The following ZDHHC5 variants were observed in gnomAD, a reference collection of about 807,000 sequenced individuals.
ZDHHC5 encodes palmitoyltransferase ZDHHC5.
ZDHHC5 carries 22 observed loss-of-function variants against 70.0 expected under a neutral mutation model. The ratio of observed to expected loss-of-function variants is 0.31; its 90% confidence interval spans 0.22 to 0.45. ZDHHC5 has a LOEUF of 0.45. ZDHHC5 is among the 20% of genes least tolerant of loss of function. The pLI is 1.00. For synonymous variants in ZDHHC5, 313 were observed against 347.8 expected, an observed-to-expected ratio of 0.90 and a Z score of 1.11; for missense variants, 746 against 926.9, an observed-to-expected ratio of 0.80 and a Z score of 2.53.
chr11:57,689,922 A>G, intron 4 of ZDHHC5, 109 bp from the exon 5 acceptor site: 1 of 1,312,410 alleles, frequency 7.6e-7, no homozygotes, highest in Non-Finnish European at 1.1e-6. Context: ...ATTTTGAACT[A>G]ATTGGTGACC....
chr11:57,682,553 G>C lies in ZDHHC5; in HGVS notation c.226+10G>C. ...GGGATTTTCCCTCGAGGTAAGATCT[G>C]CTTCTCTCTTAGAAGCACCTTACAC... On this transcript the variant is annotated intron_variant, in intron 3 of 11. Transcript: ENST00000287169. 2 of 1,613,666 alleles carry C rather than the reference G, an allele frequency of 1.2e-6. No individual in the cohort carries two copies. Among genetic ancestry groups the C allele is most frequent in the Non-Finnish European group, 1.7e-6 (2 of 1,179,784 alleles).
chr11:57,699,569 T>G lies in ZDHHC5; in HGVS notation c.1982+151T>G, dbSNP rs1031606602. On this transcript the variant is annotated intron_variant, in intron 11 of 11. Transcript: ENST00000287169. ...ATTTTCACTTTGACTCTACCTGCCT[T>G]CATGGGCAATTCCTGTTAAGAGACT... is the stretch of plus-strand genomic sequence containing the variant. 15 of 1,183,562 alleles carry G rather than the reference T, an allele frequency of 1.3e-5. 1 individual carries two copies. Among genetic ancestry groups the G allele is most frequent in the Admixed American group, 8.1e-5 (3 of 36,840 alleles). The allele number at this position is 1,183,562 out of a possible 1,614,324, so 73.3% of individuals were successfully genotyped here.
chr11:57,677,848 C>T (rs1217773972), intron 2 of ZDHHC5, among the ~76,000 whole-genome samples: 2 of 144,204 alleles, frequency 1.4e-5, no homozygotes, highest in Non-Finnish European at 3.2e-5. Flanking sequence ...AGTGGTTGTG[C>T]CTTTTCCTTC....
At position 57,695,303 on chromosome 11, in the gene ZDHHC5, C is replaced by A. The variant is rs1357606310; in HGVS notation, c.886-617C>A. Among the ~76,000 whole-genome samples, 3 of 152,002 alleles carry A rather than the reference C, an allele frequency of 2.0e-5. 1 individual carries two copies. The highest frequency in any genetic ancestry group is 4.4e-5 in the Non-Finnish European group (3 of 67,984). On this transcript the variant is annotated intron_variant, in intron 8 of 11. Transcript: ENST00000287169. Reference sequence around the variant, plus strand: ...GGTGTGGTGGCACATGCCTGTAATCCTAGCTGCTTGGGAGGCTGAGGCATG... The same window carrying A: ...GGTGTGGTGGCACATGCCTGTAATCATAGCTGCTTGGGAGGCTGAGGCATG...
At chr11:57,692,434 A>G (rs1946296529) in intron 6 of ZDHHC5, among the ~76,000 whole-genome samples, 177 bp from the exon 7 acceptor site, 1 of 152,216 alleles carries the variant, frequency 6.6e-6, no homozygotes, top group Non-Finnish European at 1.5e-5. Flanking sequence ...GATTTGAACT[A>G]AGGACCCTGA....
At position 57,699,707 on chromosome 11, in the gene ZDHHC5, A is replaced by T. The variant is rs192133351; in HGVS notation, c.1983-159A>T. ...TAGTACATAGGAGAGATTGGGAATC[A>T]GGCTTATTTTAAGCAGGGCAATAAA... On this transcript the variant is annotated intron_variant, in intron 11 of 11. Transcript: ENST00000287169. Among the ~76,000 whole-genome samples, 4 of 152,364 alleles carry T rather than the reference A, an allele frequency of 2.6e-5. No individual in the cohort carries two copies. In the East Asian group the frequency reaches 7.7e-4, roughly 29 times the overall value.
At chr11:57,687,170 G>GA (rs1946217898) in intron 3 of ZDHHC5, among the ~76,000 whole-genome samples, 1 of 151,700 alleles carries the variant, frequency 6.6e-6, no homozygotes, top group Non-Finnish European at 1.5e-5. Flanking sequence ...ATGTAAATAT[G>GA]AAAAAATGCT....
chr11:57,688,055 G>A (rs1273931352), intron 3 of ZDHHC5, among the ~76,000 whole-genome samples: 2 of 152,100 alleles, frequency 1.3e-5, no homozygotes, highest in Non-Finnish European at 1.5e-5. Context: ...ACAGGCGTGA[G>A]CCACCATGGT....
At chr11:57,681,996 C>T (rs1321679974) in intron 2 of ZDHHC5, among the ~76,000 whole-genome samples, 1 of 152,162 alleles carries the variant, frequency 6.6e-6, no homozygotes, top group African/African-American at 2.4e-5. Context: ...ATGCTTTGGG[C>T]CAATGTGCAG....
In ZDHHC5 at chr11:57,679,030, T is replaced by A. The variant is rs1309519832; in HGVS notation, c.105-3392T>A. Among the ~76,000 whole-genome samples the A allele has an allele frequency of 2.6e-5, 4 of 152,306 alleles. No individual in the cohort carries two copies. In the East Asian group the frequency reaches 5.8e-4, roughly 22 times the overall value. Reference sequence around the variant, plus strand: ...AATCCAAAGATTCTTGACTCCTACTTTGTGTTTCTTTCTAAGAACTTAACC... The same window carrying A: ...AATCCAAAGATTCTTGACTCCTACTATGTGTTTCTTTCTAAGAACTTAACC... On this transcript the variant is annotated intron_variant, in intron 2 of 11. Transcript: ENST00000287169.
intron 3 of ZDHHC5, among the ~76,000 whole-genome samples, chr11:57,688,022 C>T (rs928781051): frequency 1.3e-5 from 2 of 151,916 alleles, no homozygotes; most frequent in Non-Finnish European, 1.5e-5. Flanking sequence ...CCGCCCTTCT[C>T]GGCCTCCCAA....
intron 2 of ZDHHC5, among the ~76,000 whole-genome samples, chr11:57,678,462 T>G (rs984626669): frequency 1.0e-4 from 15 of 150,704 alleles, no homozygotes; most frequent in Non-Finnish European, 2.1e-4. Flanking sequence ...TCCCAGCTAC[T>G]CGGGAGGCTG....
chr11:57,673,594 C>T (rs949832652), intron 2 of ZDHHC5, among the ~76,000 whole-genome samples: 3 of 152,060 alleles, frequency 2.0e-5, no homozygotes, highest in Admixed American at 6.6e-5. Context: ...TTGGAGGCAG[C>T]GTCTCTTGCT....
At chr11:57,691,879 T>C (rs1227171724) in intron 6 of ZDHHC5, among the ~76,000 whole-genome samples, 1 of 152,002 alleles carries the variant, frequency 6.6e-6, no homozygotes, top group Non-Finnish European at 1.5e-5. Context: ...ATTTAGGCTC[T>C]GAGTTTATAG....
Position 57,672,078 on chromosome 11 carries a change from AT to A in ZDHHC5, c.-1012del. 1 of 393,254 alleles carries A rather than the reference AT, an allele frequency of 2.5e-6. No homozygotes were observed. Among genetic ancestry groups the A allele is most frequent in the Non-Finnish European group, 4.5e-6 (1 of 223,146 alleles). 24.4% of individuals were successfully genotyped at this position (393,254 alleles called of 1,614,324 possible). A position where few individuals can be genotyped will look rare whatever the true frequency, so the allele number is the denominator to read the frequency against. On this transcript the variant is annotated 5_prime_UTR_variant, in exon 2 of 12. Coordinates refer to ENST00000287169, the MANE Select transcript of ZDHHC5 (RefSeq NM_015457.3). ...CTGGAAAGCTGAAGACTGAAGAAAGATAAGAGACATTGACTAGTCTGGAAAC... is the reference window on the plus strand; with the variant it reads ...CTGGAAAGCTGAAGACTGAAGAAAGAAAGAGACATTGACTAGTCTGGAAAC...
At chr11:57,669,176 A>G (rs1331781737) in intron 1 of ZDHHC5, among the ~76,000 whole-genome samples, 1 of 152,198 alleles carries the variant, frequency 6.6e-6, no homozygotes, top group East Asian at 1.9e-4. Context: ...TAACACCCAC[A>G]TTAAACTTCT....
rs1946400573 is a variant in ZDHHC5, at chr11:57,699,083, G to A, written c.1647G>A (p.Lys549=). The A allele has an allele frequency of 6.2e-7, 1 of 1,613,834 alleles. No homozygotes were observed. The highest frequency in any genetic ancestry group is 8.5e-7 in the Non-Finnish European group (1 of 1,179,908). The change falls in exon 11 of 12, where the codon AAG becomes AAA. Residue 549 remains lysine, a synonymous_variant. Transcript: ENST00000287169. The part of the protein sequence containing the change: ...HIVASLQERE[K]LLRQSPPLPG... ...TGGCCTCTCTCCAGGAACGAGAGAA[G>A]TTGCTGCGCCAGTCACCCCCACTCC...
intron 2 of ZDHHC5, among the ~76,000 whole-genome samples, chr11:57,678,243 T>C (rs534539671): frequency 6.6e-6 from 1 of 152,248 alleles, no homozygotes; most frequent in African/African-American, 2.4e-5. Context: ...ATAATGATGG[T>C]GATAGTTAAT....
chr11:57,692,452 T>G (rs149871014), intron 6 of ZDHHC5, among the ~76,000 whole-genome samples, 159 bp from the exon 7 acceptor site: 1 of 152,222 alleles, frequency 6.6e-6, no homozygotes. Flanking sequence ...TGACTGTAGA[T>G]TCCCTGCTCT....
Sources: gnomAD v4.1 joint callset for allele counts (sites outside exome capture counted in the v4.1 genomes callset) on GRCh38, gnomAD v4.1.1 for gene constraint, MANE v1.5 for transcripts, NCBI Gene and HGNC (gene_info 2026-07-23, HGNC 2026-07-21) for gene names.